CYP3A4: variants seen among roughly 807,000 people sequenced by gnomAD.
CYP3A4 encodes the protein cytochrome P450 family 3 subfamily A member 4, also known as cytochrome P450 3A4.
In CYP3A4, 41 loss-of-function variants were observed where a neutral mutation model predicts 54.9. The ratio of observed to expected loss-of-function variants is 0.75; its 90% CI spans 0.58 to 0.97. CYP3A4 has a LOEUF of 0.97. Among genes scored for constraint, CYP3A4 ranks in the 50% least tolerant of loss-of-function variants. The pLI is 0.00. For synonymous variants in CYP3A4, 179 were observed against 205.2 expected (o/e 0.87, Z 1.09); for missense variants, 510 against 597.3 (o/e 0.85, Z 1.52).
chr7:99,769,951 T>C, intron 5 of CYP3A4, 95 bp from the exon 6 acceptor site: 1 of 1,595,428 alleles, frequency 6.3e-7, no homozygotes, highest in South Asian at 1.1e-5. Flanking sequence ...TAAGTGACAT[T>C]TTATAATGAA....
rs1389010722 is a variant in CYP3A4, at chr7:99,781,647, A to G, written c.72-1562T>C. 1.3e-5 allele frequency among the ~76,000 whole-genome samples: 2 copies of G among 152,228 alleles called. 1 individual carries two copies. Among genetic ancestry groups the G allele is most frequent in the Admixed American group, 1.3e-4 (2 of 15,274 alleles). On this transcript the variant is annotated intron_variant, in intron 1 of 12. Transcript: ENST00000651514. ...CCTTCAACTCAACCATGAATCTGCT[A>G]GTCCCACAAGGTTGGCCCCAGAGAG...
At position 99,757,536 on chromosome 7, in the gene CYP3A4, T is replaced by C. The variant is rs1815206406; in HGVS notation, c.*597A>G. 6.5e-6 allele frequency: 1 copy of C among 153,054 alleles called. No individual in the cohort carries two copies. Among genetic ancestry groups the C allele is most frequent in the Admixed American group, 6.5e-5 (1 of 15,414 alleles). 9.5% of individuals were successfully genotyped at this position (153,054 alleles called of 1,614,324 possible). On this transcript the variant is annotated 3_prime_UTR_variant, in exon 13 of 13. Transcript: ENST00000651514. Reference sequence around the variant, plus strand: ...TGGGCAAAGTCACAGTGGATTAACTTTCACCTATGTTAATAATCAAATTCT... The same window carrying C: ...TGGGCAAAGTCACAGTGGATTAACTCTCACCTATGTTAATAATCAAATTCT...
In CYP3A4 at chr7:99,772,696, G is replaced by GA. The variant is rs1201350386; in HGVS notation, c.219-8dup. 1.2e-5 allele frequency: 20 copies of GA among 1,611,098 alleles called. No individual in the cohort carries two copies. Among genetic ancestry groups the GA allele is most frequent in the Admixed American group, 1.7e-5 (1 of 59,490 alleles). The stretch of plus-strand genomic sequence containing the variant: ...CTGTTGACCATCATAAAAGCTGTGT[G>GA]AAAAAAACAGAGTTGATTAAACATC... On this transcript the variant is annotated splice_polypyrimidine_tract_variant and splice_region_variant and intron_variant, in intron 3 of 12. Coordinates refer to ENST00000651514, the MANE Select transcript of CYP3A4 (RefSeq NM_017460.6).
At chr7:99,763,301 G>A (rs181414078) in intron 10 of CYP3A4, among the ~76,000 whole-genome samples, 2 of 152,228 alleles carry the variant, frequency 1.3e-5, no homozygotes, top group African/African-American at 2.4e-5. Flanking sequence ...TAGCATAACC[G>A]TGTACTGGTT....
At chr7:99,759,957 T>C (rs1034147268) in intron 12 of CYP3A4, among the ~76,000 whole-genome samples, 1 of 151,984 alleles carries the variant, frequency 6.6e-6, no homozygotes, top group African/African-American at 2.4e-5. Context: ...TGCCTCAGCC[T>C]CCAGAGTAGC....
chr7:99,769,953 TA>T (rs1399634009), intron 5 of CYP3A4, 97 bp from the exon 6 acceptor site: 1 of 1,594,136 alleles, frequency 6.3e-7, no homozygotes, highest in African/African-American at 1.3e-5. Flanking sequence ...AGTGACATTT[TA>T]TAATGAATTT....
intron 2 of CYP3A4, among the ~76,000 whole-genome samples, chr7:99,778,321 A>G (rs1815826776): frequency 1.3e-5 from 2 of 152,224 alleles, no homozygotes; most frequent in Non-Finnish European, 2.9e-5. Context: ...ATCCTTGTGT[A>G]TAAATACTAA....
At chr7:99,778,561 G>C (rs967861444) in intron 2 of CYP3A4, among the ~76,000 whole-genome samples, 3 of 152,184 alleles carry the variant, frequency 2.0e-5, no homozygotes, top group African/African-American at 7.2e-5. Flanking sequence ...AGACACCAGG[G>C]AACTCCTTTA....
rs1371393440 is a variant in CYP3A4, at chr7:99,762,172, C to G, written c.1122G>C (p.Glu374Asp). The G allele has an allele frequency of 6.2e-7, 1 of 1,614,086 alleles. No individual in the cohort carries two copies. The highest frequency in any genetic ancestry group is 1.1e-5 in the South Asian group (1 of 91,072). Residue 374 changes from glutamate (E) to aspartate (D), a missense_variant, in exon 11 of 13, where the codon GAG becomes GAC. Glu to Asp is a conservative substitution (Grantham distance 45). This residue lies in a region of CYP3A4 where 238 missense variants were observed against 322.5 expected (regional missense o/e 0.74). Transcript: ENST00000651514. Reference protein sequence around the residue: ...LRLFPIAMRLERVCKKDVEIN... With the variant: ...LRLFPIAMRLDRVCKKDVEIN... ...TCTCAACATCTTTTTTGCAGACCCTCTCAAGTCTCATAGCAATTGGGAATA... is the reference window on the plus strand; with the variant it reads ...TCTCAACATCTTTTTTGCAGACCCTGTCAAGTCTCATAGCAATTGGGAATA...
At chr7:99,770,360 C>T (rs35937779) in intron 4 of CYP3A4, 125 bp from the exon 5 acceptor site, 141 of 903,384 alleles carry the variant, frequency 1.6e-4, no homozygotes, top group Middle Eastern at 1.1e-3. Context: ...GGGTGATGGG[C>T]CCTATGCTAG....
chr7:99,778,766 T>C (rs190639507), intron 2 of CYP3A4, among the ~76,000 whole-genome samples: 81 of 152,286 alleles, frequency 5.3e-4, no homozygotes, highest in Admixed American at 2.3e-3. Flanking sequence ...AAACAAACCT[T>C]CCTGTATCGA....
rs893949763 is a variant in CYP3A4, at chr7:99,768,419, G to C, written c.605C>G (p.Pro202Arg). 3 of 1,614,006 alleles carry C rather than the reference G, an allele frequency of 1.9e-6. No homozygotes were observed. The highest frequency in any genetic ancestry group is 2.2e-5 in the South Asian group (2 of 91,070). ...AAGCTTCTTGGTGTTTTCCACAAAG[G>C]GGTCTTGTGGATTGTTGAGAGAGTC... is the stretch of plus-strand genomic sequence containing the variant. ...NIDSLNNPQD[P>R]FVENTKKLLR... Residue 202 changes from proline (P) to arginine (R), a missense_variant, in exon 7 of 13, where the codon CCC becomes CGC. Around this residue, in one of 2 missense-constraint regions of CYP3A4, gnomAD observed 272 missense variants for 274.9 expected, o/e 0.99. Coordinates refer to ENST00000651514, the MANE Select transcript of CYP3A4 (RefSeq NM_017460.6).
intron 6 of CYP3A4, 90 bp from the exon 7 acceptor site, chr7:99,768,592 AAGAC>A: frequency 1.2e-6 from 2 of 1,608,262 alleles, no homozygotes; most frequent in Non-Finnish European, 1.7e-6. Context: ...ATGTCCAGTC[AAGAC>A]AGACAAACAG....
intron 7 of CYP3A4, 83 bp downstream of exon 7, chr7:99,768,271 G>T: frequency 7.3e-7 from 1 of 1,377,530 alleles, no homozygotes; most frequent in Non-Finnish European, 1.0e-6. Flanking sequence ...TTAAGTGGAT[G>T]AATTACATGG....
chr7:99,760,086 C>T (rs538669589), intron 12 of CYP3A4, among the ~76,000 whole-genome samples: 23 of 152,206 alleles, frequency 1.5e-4, no homozygotes, highest in South Asian at 4.2e-4. Context: ...CCGCCTGCTT[C>T]GGCCTCCCAA....
rs760299734 is a variant in CYP3A4 at position 99,784,086 on chromosome 7, A to G, written c.-5T>C. 32 of 1,612,740 alleles carry G rather than the reference A, an allele frequency of 2.0e-5. No homozygotes were observed. The highest frequency in any genetic ancestry group is 2.5e-5 in the Non-Finnish European group (29 of 1,178,838). Reference sequence around the variant, plus strand: ...CAAGTCTGGGATGAGAGCCATCACTACTTTCCTTACTTATCTCTCTCCTCT... The same window carrying G: ...CAAGTCTGGGATGAGAGCCATCACTGCTTTCCTTACTTATCTCTCTCCTCT... On this transcript the variant is annotated 5_prime_UTR_variant, in exon 1 of 13. Coordinates refer to ENST00000651514, the MANE Select transcript of CYP3A4 (RefSeq NM_017460.6).
intron 12 of CYP3A4, among the ~76,000 whole-genome samples, chr7:99,758,633 A>G (rs1303611769): frequency 6.6e-6 from 1 of 152,230 alleles, no homozygotes; most frequent in Admixed American, 6.5e-5. Context: ...ATTATTAGGT[A>G]TGATGGCAAA....
chr7:99,768,582 A>G (rs1563041952), intron 6 of CYP3A4, 80 bp from the exon 7 acceptor site: 3 of 1,610,078 alleles, frequency 1.9e-6, no homozygotes, highest in Non-Finnish European at 1.7e-6. Flanking sequence ...GGAAACCCAC[A>G]TGTCCAGTCA....
chr7:99,779,145 T>G (rs1354876511), intron 2 of CYP3A4, among the ~76,000 whole-genome samples: 1 of 152,176 alleles, frequency 6.6e-6, no homozygotes, highest in African/African-American at 2.4e-5. Context: ...ACATATTATA[T>G]TCTATTCAGC....
Sources: allele counts gnomAD v4.1 joint callset (sites outside exome capture counted in the v4.1 genomes callset), GRCh38; gene constraint gnomAD v4.1.1; regional missense constraint gnomAD v4.1.1; transcripts MANE v1.5; gene names NCBI Gene and HGNC (gene_info 2026-07-23, HGNC 2026-07-21).